The following GPR107 variants were observed in gnomAD, a reference collection of about 807,000 sequenced individuals.
GPR107 encodes the protein protein GPR107.
GPR107 carries 31 observed loss-of-function variants against 75.5 expected under a neutral mutation model. That is an observed-to-expected ratio of 0.41 (90% CI 0.31 to 0.55). The LOEUF is 0.55. GPR107 is among the 20% of genes least tolerant of loss of function. The pLI is 0.26. For missense variants in GPR107, 572 were observed against 665.7 expected (o/e 0.86, Z 1.55); for synonymous variants, 267 against 251.3 (o/e 1.06, Z -0.59).
chr9:130,109,570 T>TC (rs1831243035), intron 14 of GPR107, among the ~76,000 whole-genome samples: 1 of 136,014 alleles, frequency 7.4e-6, no homozygotes. Flanking sequence ...TCTTTTTCTT[T>TC]CTTTTTTTTT....
intron 1 of GPR107, among the ~76,000 whole-genome samples, chr9:130,072,076 C>G (rs1830223566): frequency 6.6e-6 from 1 of 151,992 alleles, no homozygotes; most frequent in Admixed American, 6.6e-5. Flanking sequence ...GGTTCAAGCA[C>G]TTCTGCCTCA....
At chr9:130,134,831 T>G (rs1490718105) in intron 17 of GPR107, among the ~76,000 whole-genome samples, 194 bp from the exon 18 acceptor site, 5 of 152,230 alleles carry the variant, frequency 3.3e-5, no homozygotes, top group Non-Finnish European at 7.3e-5. Flanking sequence ...TGAGAATTAC[T>G]TAAGCACAGA....
intron 14 of GPR107, among the ~76,000 whole-genome samples, chr9:130,122,116 C>T (rs1448704570): frequency 6.6e-6 from 1 of 152,178 alleles, no homozygotes; most frequent in South Asian, 2.1e-4. Context: ...TGGTCTCGAT[C>T]TCCTGACCCC....
At position 130,137,523 on chromosome 9, in the gene GPR107, G is replaced by C. The variant is rs1393778796; in HGVS notation, c.*2402G>C. 2.6e-5 allele frequency: 4 copies of C among 152,236 alleles called. No homozygotes were observed. The highest frequency in any genetic ancestry group is 5.9e-5 in the Non-Finnish European group (4 of 68,036). 9.4% of individuals were successfully genotyped at this position (152,236 alleles called of 1,614,324 possible). ...ATGTCTGTATTGTAACTGGTAAAAGGCTTCAAGTCAGATTGATGATCAAGA... is the reference window on the plus strand; with the variant it reads ...ATGTCTGTATTGTAACTGGTAAAAGCCTTCAAGTCAGATTGATGATCAAGA... On this transcript the variant is annotated 3_prime_UTR_variant, in exon 18 of 18. Coordinates refer to ENST00000347136, the MANE Select transcript of GPR107 (RefSeq NM_020960.5).
rs867083873 is a variant in GPR107, at chr9:130,056,850, G to C, written c.141+2777G>C. Among the ~76,000 whole-genome samples the C allele has an allele frequency of 3.6e-4, 53 of 148,924 alleles. 1 individual carries two copies. In the Middle Eastern group the frequency reaches 0.01, roughly 29 times the overall value. ...TGAGGCAGGAGAATGGCATGAACCC[G>C]GGAGTCGGAGCTTGCAGTGAGCCAA... is the stretch of plus-strand genomic sequence containing the variant. On this transcript the variant is annotated intron_variant, in intron 1 of 17. Coordinates refer to ENST00000347136, the MANE Select transcript of GPR107 (RefSeq NM_020960.5).
At chr9:130,117,557 C>T (rs982587085) in intron 14 of GPR107, among the ~76,000 whole-genome samples, 23 of 152,144 alleles carry the variant, frequency 1.5e-4, no homozygotes, top group African/African-American at 4.3e-4. Flanking sequence ...TGACCACAAA[C>T]GGGGGAGCTC....
intron 5 of GPR107, among the ~76,000 whole-genome samples, chr9:130,082,526 C>A (rs948165840): frequency 9.2e-5 from 13 of 140,898 alleles, no homozygotes; most frequent in Non-Finnish European, 1.5e-4. Context: ...GTCTCCCAGG[C>A]TGGAGTGCAG....
rs1459862645 is a variant in GPR107, at chr9:130,136,812, G to A, written c.*1691G>A. 1.3e-5 allele frequency: 2 copies of A among 152,212 alleles called. No homozygotes were observed. The highest frequency in any genetic ancestry group is 4.8e-5 in the African/African-American group (2 of 41,444). The allele number at this position is 152,212 out of a possible 1,614,324, so 9.4% of individuals were successfully genotyped here. On this transcript the variant is annotated 3_prime_UTR_variant, in exon 18 of 18. Transcript: ENST00000347136. ...CTGCCTTCTGGCTGATGTGGAGGAAGAGCAAGCGCCTTCCCAGGCCACAGC... is the reference window on the plus strand; with the variant it reads ...CTGCCTTCTGGCTGATGTGGAGGAAAAGCAAGCGCCTTCCCAGGCCACAGC...
intron 12 of GPR107, among the ~76,000 whole-genome samples, chr9:130,101,777 C>A (rs1050545244): frequency 3.9e-5 from 6 of 152,330 alleles, no homozygotes; most frequent in South Asian, 2.1e-4. Context: ...AAAGAACTTA[C>A]AATGAACAGA....
intron 1 of GPR107, among the ~76,000 whole-genome samples, chr9:130,061,681 C>T (rs781734418): frequency 2.8e-4 from 43 of 152,092 alleles, no homozygotes; most frequent in Non-Finnish European, 5.3e-4. Flanking sequence ...TGGTGGCTCA[C>T]GCCTGTAATC....
rs1318266847 is a variant in GPR107, at chr9:130,064,576, C to T, written c.141+10503C>T. Among the ~76,000 whole-genome samples, 3 of 152,154 alleles carry T rather than the reference C, an allele frequency of 2.0e-5. No individual in the cohort carries two copies. The South Asian group carries it at 6.2e-4, about 31-fold the overall frequency. ...AAAATATGGGTCATGTAATTAGGCA[C>T]TAGGACATTTCAGGGTAAATGAGTA... On this transcript the variant is annotated intron_variant, in intron 1 of 17. Coordinates refer to ENST00000347136, the MANE Select transcript of GPR107 (RefSeq NM_020960.5).
At chr9:130,134,788 A>C (rs1554899682) in intron 17 of GPR107, among the ~76,000 whole-genome samples, 6 of 152,206 alleles carry the variant, frequency 3.9e-5, no homozygotes, top group Non-Finnish European at 8.8e-5. Flanking sequence ...CACTCTGGAG[A>C]ATCTCATTTT....
At chr9:130,087,123 A>AG (rs1452957647) in intron 7 of GPR107, among the ~76,000 whole-genome samples, 2 of 136,920 alleles carry the variant, frequency 1.5e-5, no homozygotes, top group African/African-American at 5.6e-5. Flanking sequence ...CTGCAGCCTC[A>AG]ACCTCCTAGG....
chr9:130,088,348 T>A (rs1483720547), intron 7 of GPR107, among the ~76,000 whole-genome samples: 2 of 152,236 alleles, frequency 1.3e-5, no homozygotes, highest in Non-Finnish European at 2.9e-5. Context: ...TTTGCTGAAA[T>A]GTCACCTTCT....
chr9:130,102,850 C>G (rs1386511167), intron 12 of GPR107, among the ~76,000 whole-genome samples: 1 of 152,176 alleles, frequency 6.6e-6, no homozygotes, highest in African/African-American at 2.4e-5. Context: ...CAGTGGTGAT[C>G]ATGGCTCACT....
chr9:130,057,738 C>G (rs1829826980), intron 1 of GPR107, among the ~76,000 whole-genome samples: 1 of 151,810 alleles, frequency 6.6e-6, no homozygotes. Flanking sequence ...CTCCATGCTA[C>G]ATTTTCCACC....
intron 1 of GPR107, among the ~76,000 whole-genome samples, chr9:130,060,789 A>G (rs1429881807): frequency 2.0e-5 from 3 of 152,180 alleles, no homozygotes; most frequent in African/African-American, 7.2e-5. Context: ...TTATAACTCA[A>G]ATACTCTAGA....
intron 14 of GPR107, among the ~76,000 whole-genome samples, chr9:130,110,046 G>A (rs562852637): frequency 3.3e-5 from 5 of 152,252 alleles, no homozygotes; most frequent in South Asian, 4.1e-4. Flanking sequence ...GATCCTGCCC[G>A]TTGATGAATT....
At chr9:130,093,972 A>G (rs1288071740) in intron 9 of GPR107, among the ~76,000 whole-genome samples, 6 of 152,096 alleles carry the variant, frequency 3.9e-5, no homozygotes, top group Non-Finnish European at 5.9e-5. Flanking sequence ...GTGCCAACAT[A>G]CCCAGCTGAT....
Sources: gnomAD v4.1 joint callset for allele counts (sites outside exome capture counted in the v4.1 genomes callset) on GRCh38, gnomAD v4.1.1 for gene constraint, MANE v1.5 for transcripts, NCBI Gene and HGNC (gene_info 2026-07-23, HGNC 2026-07-21) for gene names.